TENM2: variants seen among roughly 807,000 people sequenced by gnomAD.
TENM2 encodes teneurin transmembrane protein 2.
TENM2 carries 52 observed loss-of-function variants against 245.2 expected under a neutral mutation model. The ratio of observed to expected loss-of-function variants is 0.21; its 90% CI spans 0.17 to 0.27. The LOEUF (loss-of-function observed/expected upper bound fraction) is 0.27, where lower values mean the gene tolerates loss of function less well. TENM2 is among the 10% of genes least tolerant of loss of function. TENM2 has a pLI of 1.00. For synonymous variants in TENM2, 1,363 were observed against 1,438.9 expected, an observed-to-expected ratio of 0.95 and a Z score of 1.19; for missense variants, 3,046 against 3,666.8, an observed-to-expected ratio of 0.83 and a Z score of 4.37.
chr5:167,929,127 AAGAAAAGAAAG>A (rs1778079933), intron 3 of TENM2, among the ~76,000 whole-genome samples: 2 of 133,802 alleles, frequency 1.5e-5, no homozygotes, highest in Admixed American at 1.5e-4. Context: ...GAAAGAAAGA[AAGAAAAGAAAG>A]AAGGGAGGGA....
chr5:167,727,948 G>C (rs1231357845), intron 2 of TENM2, among the ~76,000 whole-genome samples: 1 of 152,078 alleles, frequency 6.6e-6, no homozygotes, highest in East Asian at 1.9e-4. Context: ...GTCTCATTGG[G>C]AACTTGCTGT....
chr5:168,088,344 A>G (rs907805262), intron 7 of TENM2: 1 of 152,204 alleles, frequency 6.6e-6, no homozygotes, highest in Non-Finnish European at 1.5e-5. Context: ...AAGGTCTCCA[A>G]AAGCAGCATC....
intron 1 of TENM2, among the ~76,000 whole-genome samples, chr5:167,329,551 CAAAAAAAAAAAAAAAAAA>C (rs34165505): frequency 1.8e-4 from 4 of 21,936 alleles, no homozygotes; most frequent in Admixed American, 8.9e-4. Flanking sequence ...GACTCAGTCT[CAAAAAAAAAAAAAAAAAA>C]AAAAAAAAAA....
chr5:167,761,444 A>G (rs79472369), intron 2 of TENM2, among the ~76,000 whole-genome samples: 96 of 152,234 alleles, frequency 6.3e-4, no homozygotes, highest in African/African-American at 2.2e-3. Context: ...AAATTCTTCA[A>G]CCTCTAAAAA....
intron 2 of TENM2, among the ~76,000 whole-genome samples, chr5:167,455,557 T>A (rs1765868297): frequency 1.3e-5 from 2 of 151,682 alleles, no homozygotes; most frequent in South Asian, 4.2e-4. Flanking sequence ...CTCTGCCAGA[T>A]AGGGAATGCA....
intron 1 of TENM2, among the ~76,000 whole-genome samples, chr5:167,290,999 T>C (rs1057294359): frequency 1.3e-5 from 2 of 152,222 alleles, no homozygotes; most frequent in African/African-American, 2.4e-5. Flanking sequence ...ATTTTCATCA[T>C]TGATGCTTAC....
At chr5:167,790,309 G>A (rs964521287) in intron 2 of TENM2, among the ~76,000 whole-genome samples, 3 of 152,126 alleles carry the variant, frequency 2.0e-5, no homozygotes, top group African/African-American at 7.2e-5. Flanking sequence ...CTAAGCTGGT[G>A]AAAGAAGCTG....
chr5:168,122,058 T>C (rs1036525680), intron 10 of TENM2, among the ~76,000 whole-genome samples: 2 of 152,240 alleles, frequency 1.3e-5, no homozygotes, highest in East Asian at 3.9e-4. Context: ...CAATGACAAA[T>C]GCTTATAGCA....
At chr5:167,859,734 G>C (rs1406920936) in intron 2 of TENM2, among the ~76,000 whole-genome samples, 1 of 101,254 alleles carries the variant, frequency 9.9e-6, no homozygotes, top group Non-Finnish European at 2.0e-5. Context: ...GAGGGAGGTG[G>C]GGGGATCAGC....
the TENM2 span, among the ~76,000 whole-genome samples, chr5:166,998,898 ATAATAT>A: frequency 2.6e-5 from 4 of 152,212 alleles, no homozygotes; most frequent in East Asian, 7.7e-4. Context: ...TTGCTTCAAA[ATAATAT>A]TAGGATGGAG....
chr5:167,819,083 T>C lies in TENM2; in HGVS notation c.503-56903T>C, dbSNP rs35636134. On this transcript the variant is annotated intron_variant, in intron 2 of 28. Coordinates refer to ENST00000518659, the Ensembl canonical transcript of TENM2. The stretch of plus-strand genomic sequence containing the variant: ...CTGTGTGTGTGTGTGTGTGTGTGTG[T>C]GCGTGCGCGTTCTCTAATGCTACTC... Among the ~76,000 whole-genome samples, 817 of 148,166 alleles carry C rather than the reference T, an allele frequency of 5.5e-3. 7 individuals carry two copies. Among genetic ancestry groups the C allele is most frequent in the African/African-American group, 0.019 (752 of 38,604 alleles).
the TENM2 span, among the ~76,000 whole-genome samples, chr5:167,184,701 G>A: frequency 1.3e-5 from 2 of 151,742 alleles, no homozygotes; most frequent in African/African-American, 4.8e-5. Context: ...TCCTTCTTAC[G>A]CCCTCATCCC....
At chr5:167,328,752 A>G (rs1053393768) in intron 1 of TENM2, among the ~76,000 whole-genome samples, 3 of 152,068 alleles carry the variant, frequency 2.0e-5, no homozygotes, top group South Asian at 4.2e-4. Flanking sequence ...AATAGCACCT[A>G]AACAGTGAGG....
chr5:167,099,630 G>T, the TENM2 span, among the ~76,000 whole-genome samples: 1 of 152,170 alleles, frequency 6.6e-6, no homozygotes, highest in African/African-American at 2.4e-5. Flanking sequence ...GGGAGGTGGA[G>T]GTTGCAGTGA....
At chr5:168,173,582 C>G (rs1581533150) in intron 13 of TENM2, among the ~76,000 whole-genome samples, 1 of 152,224 alleles carries the variant, frequency 6.6e-6, no homozygotes, top group African/African-American at 2.4e-5. Flanking sequence ...ACACCCTCCC[C>G]CACACCAGCC....
At position 167,524,329 on chromosome 5, in the gene TENM2, T is replaced by C. The variant is rs143090885; in HGVS notation, c.502+148856T>C. Among the ~76,000 whole-genome samples the C allele has an allele frequency of 1.2e-4, 19 of 152,288 alleles. No individual in the cohort carries two copies. The East Asian group carries it at 2.7e-3, about 22-fold the overall frequency. Reference sequence around the variant, plus strand: ...TAACAATACCTACTTCCCTATATTGTTTTGAGAATTAAGGGGGTTAATGCA... The same window carrying C: ...TAACAATACCTACTTCCCTATATTGCTTTGAGAATTAAGGGGGTTAATGCA... On this transcript the variant is annotated intron_variant, in intron 2 of 28. Coordinates refer to ENST00000518659, the Ensembl canonical transcript of TENM2.
chr5:167,528,235 G>A (rs964204954), intron 2 of TENM2, among the ~76,000 whole-genome samples: 1 of 152,126 alleles, frequency 6.6e-6, no homozygotes, highest in Non-Finnish European at 1.5e-5. Flanking sequence ...GATAAGAAAG[G>A]TCATTCCTTC....
At chr5:167,669,394 T>G (rs918730866) in intron 2 of TENM2, among the ~76,000 whole-genome samples, 4 of 152,218 alleles carry the variant, frequency 2.6e-5, no homozygotes, top group Non-Finnish European at 1.5e-5. Flanking sequence ...TGAACATGTC[T>G]TGCTCAAGAA....
chr5:168,124,408 A>C (rs1795694320), intron 10 of TENM2, among the ~76,000 whole-genome samples: 1 of 152,174 alleles, frequency 6.6e-6, no homozygotes, highest in Middle Eastern at 3.2e-3. Context: ...AGTTACAATG[A>C]GCCTCTCTAC....
Sources: gnomAD v4.1 joint callset for allele counts (sites outside exome capture counted in the v4.1 genomes callset) on GRCh38, gnomAD v4.1.1 for gene constraint, MANE v1.5 for transcripts, NCBI Gene and HGNC (gene_info 2026-07-23, HGNC 2026-07-21) for gene names.